SYNE2: variants seen among roughly 807,000 people sequenced by gnomAD.
SYNE2 encodes nesprin-2.
Under a neutral mutation model 856.3 loss-of-function variants are expected in SYNE2, and 431 were observed. The observed-to-expected ratio is 0.50, with a 90% CI of 0.47 to 0.55. The LOEUF (loss-of-function observed/expected upper bound fraction) is 0.55, where lower values mean the gene tolerates loss of function less well. Among genes scored for constraint, SYNE2 ranks in the 20% least tolerant of loss-of-function variants. The pLI is 0.00. For missense variants in SYNE2, 8,129 were observed against 8,023.2 expected (o/e 1.01, Z -0.50); for synonymous variants, 2,923 against 2,872.3 (o/e 1.02, Z -0.56).
At chr14:64,140,455 G>A (rs962643938) in intron 80 of SYNE2, among the ~76,000 whole-genome samples, 1 of 152,144 alleles carries the variant, frequency 6.6e-6, no homozygotes, top group Non-Finnish European at 1.5e-5. Flanking sequence ...GGTGGTGCAT[G>A]CCTGTAATCC....
chr14:64,206,040 C>A (rs1249628568), intron 100 of SYNE2, among the ~76,000 whole-genome samples: 2 of 152,172 alleles, frequency 1.3e-5, no homozygotes, highest in African/African-American at 2.4e-5. Context: ...GATTTTCTGT[C>A]TTTTCAGCCT....
intron 1 of SYNE2, among the ~76,000 whole-genome samples, chr14:63,879,490 G>A (rs987870005): frequency 6.6e-6 from 1 of 152,222 alleles, no homozygotes; most frequent in Non-Finnish European, 1.5e-5. Context: ...TAAATAGTGT[G>A]TAGCTGTTCA....
intron 80 of SYNE2, 150 bp from the exon 81 acceptor site, chr14:64,141,191 C>T: frequency 1.5e-6 from 1 of 648,428 alleles, no homozygotes; most frequent in South Asian, 2.1e-5. Flanking sequence ...TATGTAATGC[C>T]CAACAGTAGG....
rs1341127607 is a variant in SYNE2, at chr14:64,087,661, G to A, written c.11485-10G>A. 6.2e-7 allele frequency: 1 copy of A among 1,613,582 alleles called. No individual in the cohort carries two copies. Among genetic ancestry groups the A allele is most frequent in the Non-Finnish European group, 8.5e-7 (1 of 1,179,770 alleles). ...TTTCTCTCTATTTTTCCCATTCTGTGTTTATCTAGATGGCTTTGGAAGATT... is the reference window on the plus strand; with the variant it reads ...TTTCTCTCTATTTTTCCCATTCTGTATTTATCTAGATGGCTTTGGAAGATT... On this transcript the variant is annotated splice_polypyrimidine_tract_variant and intron_variant, in intron 57 of 115. Transcript: ENST00000555002.
intron 43 of SYNE2, among the ~76,000 whole-genome samples, chr14:64,028,026 G>C (rs908508167): frequency 6.6e-6 from 1 of 152,002 alleles, no homozygotes; most frequent in Admixed American, 6.6e-5. Context: ...TCCTGCTTCA[G>C]CCTCCCGGGT....
intron 45 of SYNE2, among the ~76,000 whole-genome samples, chr14:64,045,613 C>G (rs1341803447): frequency 1.3e-5 from 2 of 152,168 alleles, no homozygotes; most frequent in African/African-American, 4.8e-5. Context: ...CTGTGAGATG[C>G]TGCTGCCCTA....
At chr14:63,922,523 C>G (rs1595656678) in intron 2 of SYNE2, among the ~76,000 whole-genome samples, 1 of 152,230 alleles carries the variant, frequency 6.6e-6, no homozygotes, top group East Asian at 1.9e-4. Flanking sequence ...TGTGTTAGGG[C>G]TAGGTGCAGT....
chr14:63,818,880 A>C (rs964775759), intron 1 of SYNE2, among the ~76,000 whole-genome samples: 1 of 151,746 alleles, frequency 6.6e-6, no homozygotes, highest in African/African-American at 2.4e-5. Context: ...TTGTATTTTT[A>C]GTCGAGACTG....
rs774194914 is a variant in SYNE2, at chr14:64,137,847, A to G, written c.14707A>G (p.Lys4903Glu). 1.9e-6 allele frequency: 3 copies of G among 1,614,116 alleles called. No homozygotes were observed. In the African/African-American group the frequency reaches 4.0e-5, roughly 22 times the overall value. The change falls in exon 79 of 116, where the codon AAA (lysine) becomes GAA (glutamate). Residue 4903 changes from lysine to glutamate, a missense_variant. By Grantham distance (56) the Lys-to-Glu change is moderately conservative (BLOSUM62 1). Coordinates refer to ENST00000555002, the MANE Select transcript of SYNE2 (RefSeq NM_182914.3). ...GCTTTACCAAACTCTGAACGAAGGC[A>G]AACAGTTGGTGGCGTCTGTGAGCTG... ...ARLYQTLNEG[K>E]QLVASVSCPE...
At chr14:64,166,607 G>C (rs1322496098) in intron 90 of SYNE2, among the ~76,000 whole-genome samples, 2 of 152,180 alleles carry the variant, frequency 1.3e-5, no homozygotes, top group Non-Finnish European at 2.9e-5. Flanking sequence ...CCAGGTTATT[G>C]GCAGACTAAA....
chr14:64,113,291 C>T, intron 65 of SYNE2, 50 bp from the exon 66 acceptor site: 1 of 1,611,752 alleles, frequency 6.2e-7, no homozygotes. Context: ...CTTTGCAGGC[C>T]CAAGTCTGAA....
At chr14:63,870,694 C>G (rs1896619408) in intron 1 of SYNE2, among the ~76,000 whole-genome samples, 1 of 149,804 alleles carries the variant, frequency 6.7e-6, no homozygotes, top group Non-Finnish European at 1.5e-5. Context: ...AATAACACCT[C>G]TAGTATATGG....
intron 84 of SYNE2, 30 bp downstream of exon 84, chr14:64,146,253 C>A (rs918300169): frequency 1.3e-6 from 2 of 1,585,010 alleles, no homozygotes; most frequent in Non-Finnish European, 1.7e-6. Context: ...CCCACCCAAC[C>A]CGCGAGCTGG....
intron 2 of SYNE2, among the ~76,000 whole-genome samples, chr14:63,928,841 G>T (rs183791573): frequency 8.5e-5 from 13 of 152,170 alleles, no homozygotes; most frequent in Admixed American, 7.2e-4. Context: ...CATCCTTACC[G>T]TGTCCGTCCT....
At chr14:64,145,610 TTTA>T (rs1324208643) in intron 83 of SYNE2, among the ~76,000 whole-genome samples, 1 of 151,906 alleles carries the variant, frequency 6.6e-6, no homozygotes, top group Non-Finnish European at 1.5e-5. Context: ...TAATAAAAAA[TTTA>T]TTATGAATGA....
Position 64,215,991 on chromosome 14 carries a change from C to T in SYNE2, c.19403-257C>T, listed in dbSNP as rs2098664605. The T allele has an allele frequency of 1.1e-5, 15 of 1,417,128 alleles. 1 individual carries two copies. The South Asian group carries it at 2.1e-4, about 20-fold the overall frequency. 87.8% of individuals were successfully genotyped at this position (1,417,128 alleles called of 1,614,324 possible). A position where few individuals can be genotyped will look rare whatever the true frequency, so the allele number is the denominator to read the frequency against. The stretch of plus-strand genomic sequence containing the variant: ...CTCAGTGTCCCTACCACTCGAGACC[C>T]TGGCTCCAAAACGCCACTCATCCCA... On this transcript the variant is annotated intron_variant, in intron 107 of 115. Coordinates refer to ENST00000555002, the MANE Select transcript of SYNE2 (RefSeq NM_182914.3).
intron 8 of SYNE2, among the ~76,000 whole-genome samples, chr14:63,959,228 A>ACTG (rs66592738): frequency 5.3e-5 from 8 of 149,936 alleles, no homozygotes; most frequent in Admixed American, 2.0e-4. Flanking sequence ...GCTCACAGCC[A>ACTG]ATGTGAACTT....
At position 63,763,094 on chromosome 14, in the gene SYNE2, A is replaced by G. The variant is rs189859241; in HGVS notation, c.-305+1108A>G. ...GAAATTCTCCTGTCTCAGCCTCTCCAGTAGCTGGGACTACAGGCGCCCACC... is the reference window on the plus strand; with the variant it reads ...GAAATTCTCCTGTCTCAGCCTCTCCGGTAGCTGGGACTACAGGCGCCCACC... On this transcript the variant is annotated intron_variant, in intron 1 of 23. Transcript: ENST00000674003. Among the ~76,000 whole-genome samples, 594 of 152,060 alleles carry G rather than the reference A, an allele frequency of 3.9e-3. 7 individuals are homozygous for G. The highest frequency in any genetic ancestry group is 0.013 in the African/African-American group (554 of 41,484).
In SYNE2 at chr14:64,126,796, C is replaced by A. The variant is rs767673156; in HGVS notation, c.13906C>A (p.Arg4636Ser). 3.1e-6 allele frequency: 5 copies of A among 1,611,680 alleles called. No individual in the cohort carries two copies. Among genetic ancestry groups the A allele is most frequent in the Non-Finnish European group, 3.4e-6 (4 of 1,180,014 alleles). Residue 4636 changes from arginine (R) to serine (S), a missense_variant, in exon 73 of 116, where the codon CGC becomes AGC. Around this residue, in one of 3 missense-constraint regions of SYNE2, gnomAD observed 5,410 missense variants for 5,284.8 expected, o/e 1.02. Coordinates refer to ENST00000555002, the MANE Select transcript of SYNE2 (RefSeq NM_182914.3). Reference protein sequence around the residue: ...KSLKAGLDYNRSYQNEIKRLY... With the variant: ...KSLKAGLDYNSSYQNEIKRLY... ...CCTGAAAGCTGGCCTCGATTACAAC[C>A]GCAGTTACCAGGTATGATTCCGAGC...
Sources: gnomAD v4.1 joint callset for allele counts (sites outside exome capture counted in the v4.1 genomes callset) on GRCh38, gnomAD v4.1.1 for gene constraint, gnomAD v4.1.1 regional missense constraint, MANE v1.5 for transcripts, NCBI Gene and HGNC (gene_info 2026-07-23, HGNC 2026-07-21) for gene names.